Variants in UBE2QL1 observed in about 807,000 individuals in gnomAD.
UBE2QL1 encodes the protein ubiquitin-conjugating enzyme E2Q-like protein 1.
In UBE2QL1, 5 loss-of-function variants were observed where a neutral mutation model predicts 12.6. The observed-to-expected ratio is 0.40, with a 90% CI of 0.21 to 0.83. The LOEUF (loss-of-function observed/expected upper bound fraction) is 0.83. Ranked by LOEUF, UBE2QL1 falls within the 40% of genes least tolerant of loss-of-function variation. The pLI is 0.37. For missense variants in UBE2QL1, 99 were observed against 222.6 expected (o/e 0.44, Z 3.53); for synonymous variants, 96 against 94.5 (o/e 1.02, Z -0.10).
intron 1 of UBE2QL1, among the ~76,000 whole-genome samples, chr5:6,457,564 AC>A (rs35619696): frequency 0.3 from 45,911 of 151,838 alleles, 7,731 homozygotes; most frequent in East Asian, 0.51. Context: ...TTGCGATGCA[AC>A]GTAAGTGCTT....
At chr5:6,483,170 T>C (rs1230446077) in intron 1 of UBE2QL1, among the ~76,000 whole-genome samples, 1 of 152,180 alleles carries the variant, frequency 6.6e-6, no homozygotes, top group East Asian at 1.9e-4. Flanking sequence ...GTGCGGTGGC[T>C]CATGCCTGTA....
At chr5:6,472,726 TTTTC>T (rs1400229481) in intron 1 of UBE2QL1, among the ~76,000 whole-genome samples, 7 of 152,196 alleles carry the variant, frequency 4.6e-5, no homozygotes, top group Non-Finnish European at 5.9e-5. Flanking sequence ...TCTCCCCAAA[TTTTC>T]TTTATCTTCT....
In UBE2QL1 at chr5:6,478,540, G is replaced by T. The variant is rs953818866; in HGVS notation, c.355-12678G>T. On this transcript the variant is annotated intron_variant, in intron 1 of 1. Coordinates refer to ENST00000399816, the MANE Select transcript of UBE2QL1 (RefSeq NM_001145161.3). The surrounding 1 kb of genome is among the most constrained non-coding windows in gnomAD (Gnocchi z 4.5). ...CCTGCTAGCAGGGCAGACAGCGAAT[G>T]GTGGCTGCCTCTGTTTTGACAAATT... Among the ~76,000 whole-genome samples the T allele has an allele frequency of 4.6e-5, 7 of 152,160 alleles. No individual in the cohort carries two copies. Among genetic ancestry groups the T allele is most frequent in the Non-Finnish European group, 1.0e-4 (7 of 68,032 alleles).
chr5:6,468,669 A>G (rs900128328), intron 1 of UBE2QL1, among the ~76,000 whole-genome samples: 1 of 152,228 alleles, frequency 6.6e-6, no homozygotes, highest in Non-Finnish European at 1.5e-5. Context: ...CCAAATTTAG[A>G]TGGAAGATGC....
intron 1 of UBE2QL1, among the ~76,000 whole-genome samples, chr5:6,456,593 C>A (rs968792955): frequency 2.0e-5 from 3 of 152,210 alleles, no homozygotes; most frequent in South Asian, 2.1e-4. Context: ...CTCATTGTTA[C>A]ACACATCATT....
chr5:6,487,598 TATCTC>T (rs112788555), intron 1 of UBE2QL1, among the ~76,000 whole-genome samples: 39,873 of 151,926 alleles, frequency 0.26, 8,605 homozygotes, highest in African/African-American at 0.6. Context: ...TCAAAGGAAA[TATCTC>T]AGACTAGATT....
At chr5:6,450,992 A>G (rs143729829) in intron 1 of UBE2QL1, among the ~76,000 whole-genome samples, 4,754 of 152,330 alleles carry the variant, frequency 0.031, 86 homozygotes, top group Middle Eastern at 0.048. Flanking sequence ...GAAGTGGAAG[A>G]ATTCTTTGCA....
chr5:6,462,058 G>A (rs1010785543), intron 1 of UBE2QL1, among the ~76,000 whole-genome samples: 19 of 152,188 alleles, frequency 1.2e-4, no homozygotes, highest in Non-Finnish European at 2.2e-4. Context: ...AAGCCCAAGC[G>A]AGGGTGATGG....
chr5:6,449,314 CG>C, intron 1 of UBE2QL1, 67 bp downstream of exon 1: 6 of 1,289,684 alleles, frequency 4.7e-6, no homozygotes, highest in Non-Finnish European at 5.9e-6. Flanking sequence ...GCCGGGCGCC[CG>C]GGCCCCGTGG....
chr5:6,486,212 A>C (rs1734463877), intron 1 of UBE2QL1, among the ~76,000 whole-genome samples: 1 of 152,136 alleles, frequency 6.6e-6, no homozygotes, highest in Non-Finnish European at 1.5e-5. Context: ...AGGTTAAGTG[A>C]TTCACCCAAG....
rs1380148119 is a variant in UBE2QL1, at chr5:6,449,215, C to A, written c.322C>A (p.Arg108Ser). Residue 108 changes from arginine to serine, a missense_variant, in exon 1 of 2, where the codon CGC (arginine) becomes AGC (serine). By Grantham distance (110) the Arg-to-Ser change is moderately radical (BLOSUM62 -1). Coordinates refer to ENST00000399816, the MANE Select transcript of UBE2QL1 (RefSeq NM_001145161.3). The part of the protein sequence containing the change: ...SSAYTVEAVM[R>S]QFAASLVKGQ... The stretch of plus-strand genomic sequence containing the variant: ...CGCCTACACCGTGGAGGCCGTCATG[C>A]GCCAGTTCGCAGCCAGCCTGGTCAA... 6.8e-7 allele frequency: 1 copy of A among 1,467,210 alleles called. No homozygotes were observed. The highest frequency in any genetic ancestry group is 2.2e-5 in the Admixed American group (1 of 44,796). The allele number at this position is 1,467,210 out of a possible 1,614,324, so 90.9% of individuals were successfully genotyped here.
intron 1 of UBE2QL1, among the ~76,000 whole-genome samples, chr5:6,475,073 C>T (rs12522751): frequency 0.054 from 8,159 of 152,258 alleles, 340 homozygotes; most frequent in South Asian, 0.1. Flanking sequence ...TTTCAAGTGA[C>T]GCTTGTAAAA....
intron 1 of UBE2QL1, among the ~76,000 whole-genome samples, chr5:6,473,455 C>T (rs966514255): frequency 6.6e-6 from 1 of 152,202 alleles, no homozygotes; most frequent in Non-Finnish European, 1.5e-5. Flanking sequence ...ACTGTCTCCA[C>T]CCGGAACACA....
intron 1 of UBE2QL1, among the ~76,000 whole-genome samples, chr5:6,461,486 T>G (rs1484474990): frequency 1.3e-5 from 2 of 148,952 alleles, no homozygotes; most frequent in African/African-American, 4.9e-5. Flanking sequence ...TGTCCTCATC[T>G]GAGATGATTA....
intron 1 of UBE2QL1, among the ~76,000 whole-genome samples, chr5:6,473,047 A>G (rs1033370940): frequency 6.6e-6 from 1 of 152,122 alleles, no homozygotes; most frequent in African/African-American, 2.4e-5. Flanking sequence ...TTGTTATCCC[A>G]TGACAGTCCC....
intron 1 of UBE2QL1, among the ~76,000 whole-genome samples, chr5:6,482,661 GGTT>G (rs2126366696): frequency 1.3e-5 from 2 of 152,282 alleles, no homozygotes; most frequent in African/African-American, 4.8e-5. Context: ...AGACATTTTT[GGTT>G]GCCACCACTC....
intron 1 of UBE2QL1, among the ~76,000 whole-genome samples, chr5:6,470,595 T>C (rs1271320853): frequency 1.3e-5 from 2 of 152,166 alleles, no homozygotes; most frequent in Non-Finnish European, 2.9e-5. Context: ...CAGGATAGTC[T>C]GAGGTGTGCA....
chr5:6,462,851 C>T (rs969631377), intron 1 of UBE2QL1, among the ~76,000 whole-genome samples: 12 of 152,112 alleles, frequency 7.9e-5, no homozygotes, highest in Non-Finnish European at 1.3e-4. Flanking sequence ...CTGACATTTC[C>T]GGCTTCTGAA....
At chr5:6,468,140 A>C (rs1251908858) in intron 1 of UBE2QL1, among the ~76,000 whole-genome samples, 2 of 152,008 alleles carry the variant, frequency 1.3e-5, no homozygotes, top group Admixed American at 6.6e-5. Flanking sequence ...CCCTGTTCTC[A>C]TGCTGCTCCT....
Sources: allele counts gnomAD v4.1 joint callset (sites outside exome capture counted in the v4.1 genomes callset), GRCh38; gene constraint gnomAD v4.1.1; non-coding constraint Gnocchi (gnomAD v3.1); transcripts MANE v1.5; gene names NCBI Gene and HGNC (gene_info 2026-07-23, HGNC 2026-07-21).